The following THSD7A variants were observed in gnomAD, a reference collection of about 807,000 sequenced individuals.
THSD7A encodes the protein thrombospondin type-1 domain-containing protein 7A.
A neutral mutation model predicts 231.3 loss-of-function variants in THSD7A; 96 were observed. The ratio of observed to expected loss-of-function variants is 0.41; its 90% CI spans 0.35 to 0.49. The LOEUF (loss-of-function observed/expected upper bound fraction) is 0.49. THSD7A is among the 20% of genes least tolerant of loss of function. The pLI is 0.05. For missense variants in THSD7A, 2,290 were observed against 2,070.2 expected (o/e 1.11, Z -2.06); for synonymous variants, 940 against 743.3 (o/e 1.26, Z -4.30).
chr7:11,440,247 A>AAAT (rs577542636), intron 13 of THSD7A, among the ~76,000 whole-genome samples: 1 of 152,028 alleles, frequency 6.6e-6, no homozygotes, highest in Non-Finnish European at 1.5e-5. Context: ...ATTTATTTCA[A>AAAT]AATATTAGTT....
chr7:11,418,083 A>G (rs1309552991), intron 16 of THSD7A, among the ~76,000 whole-genome samples: 2 of 152,196 alleles, frequency 1.3e-5, no homozygotes, highest in Admixed American at 1.3e-4. Context: ...GAGACCAGGC[A>G]CACTGAAATC....
chr7:11,715,817 G>T (rs1350293612), intron 1 of THSD7A, among the ~76,000 whole-genome samples: 1 of 151,484 alleles, frequency 6.6e-6, no homozygotes. Context: ...CCAGAGGGAT[G>T]AAAAACAGTA....
At chr7:11,452,595 A>G (rs1785179888) in intron 11 of THSD7A, among the ~76,000 whole-genome samples, 2 of 152,030 alleles carry the variant, frequency 1.3e-5, no homozygotes. Flanking sequence ...CCAGTGGAGT[A>G]GCTGAGACTG....
intron 2 of THSD7A, among the ~76,000 whole-genome samples, chr7:11,625,465 T>C (rs17164916): frequency 0.048 from 7,316 of 152,086 alleles, 544 homozygotes; most frequent in African/African-American, 0.16. Flanking sequence ...TTATCTAATA[T>C]CAGTGACCAC....
At chr7:11,828,759 A>G (rs1397218649) in intron 1 of THSD7A, among the ~76,000 whole-genome samples, 2 of 152,154 alleles carry the variant, frequency 1.3e-5, no homozygotes, top group Non-Finnish European at 2.9e-5. Context: ...CATTACATAT[A>G]ATGTATAAGT....
Position 11,474,967 on chromosome 7 carries a change from T to C in THSD7A, c.2018-399A>G, listed in dbSNP as rs1201428440. ...TGAGAAAAATTTTGAAGGAGTAGGA[T>C]TTCAATAAGCAGAATTCTGGGAAGG... On this transcript the variant is annotated intron_variant, in intron 7 of 27. Transcript: ENST00000423059. This position sits in a 1 kb window ranked among gnomAD's most constrained non-coding sequence, Gnocchi z 4.1. Among the ~76,000 whole-genome samples, 1 of 152,058 alleles carries C rather than the reference T, an allele frequency of 6.6e-6. No homozygotes were observed. Among genetic ancestry groups the C allele is most frequent in the Non-Finnish European group, 1.5e-5 (1 of 68,014 alleles).
chr7:11,579,678 G>A lies in THSD7A; in HGVS notation c.1453+10782C>T, dbSNP rs1467918961. Among the ~76,000 whole-genome samples, 6 of 152,142 alleles carry A rather than the reference G, an allele frequency of 3.9e-5. No homozygotes were observed. In the East Asian group the frequency reaches 1.2e-3, roughly 29 times the overall value. On this transcript the variant is annotated intron_variant, in intron 4 of 27. Transcript: ENST00000423059. ...AGCTTAAATACTAGCAAAGTATTGTGAGTTTCTAAAGATTTAGAGCTCAGG... is the reference window on the plus strand; with the variant it reads ...AGCTTAAATACTAGCAAAGTATTGTAAGTTTCTAAAGATTTAGAGCTCAGG...
chr7:11,756,493 G>A (rs961214028), intron 1 of THSD7A, among the ~76,000 whole-genome samples: 3 of 152,024 alleles, frequency 2.0e-5, no homozygotes, highest in Admixed American at 2.0e-4. Context: ...TTTTTTCTGA[G>A]AAGTGTCTAA....
chr7:11,825,395 C>T (rs979934193), intron 1 of THSD7A, among the ~76,000 whole-genome samples: 1 of 152,026 alleles, frequency 6.6e-6, no homozygotes, highest in Admixed American at 6.6e-5. Flanking sequence ...CGTGTTCTTT[C>T]CATTCTATAA....
intron 6 of THSD7A, among the ~76,000 whole-genome samples, chr7:11,507,054 G>A (rs1423571884): frequency 2.6e-5 from 4 of 152,094 alleles, no homozygotes; most frequent in Admixed American, 2.0e-4. Flanking sequence ...CTGACACACA[G>A]AACATTCTTA....
rs1190147672 is a variant in THSD7A at position 11,542,987 on chromosome 7, G to C, written c.1584C>G (p.Asn528Lys). Reference sequence around the variant, plus strand: ...CTTTTTTCCCTTGCTGATCATTACAGTTTTCATAAGTACAAGGTCCCCAAG... The same window carrying C: ...CTTTTTTCCCTTGCTGATCATTACACTTTTCATAAGTACAAGGTCCCCAAG... ...WSAWGPCTYE[N>K]CNDQQGKKGF... The change falls in exon 5 of 28, where the codon AAC becomes AAG. Residue 528 changes from asparagine to lysine, a missense_variant. By Grantham distance (94) the Asn-to-Lys change is moderately conservative. Transcript: ENST00000423059. 7 of 1,613,592 alleles carry C rather than the reference G, an allele frequency of 4.3e-6. No individual in the cohort carries two copies. In the South Asian group the frequency reaches 6.6e-5, roughly 15 times the overall value.
intron 4 of THSD7A, among the ~76,000 whole-genome samples, chr7:11,565,835 A>G (rs10234091): frequency 0.53 from 80,025 of 151,984 alleles, 21,296 homozygotes; most frequent in Middle Eastern, 0.67. Context: ...TTGTACCTCC[A>G]TTCCTGCCTT....
At chr7:11,423,600 A>T (rs1784224800) in intron 16 of THSD7A, among the ~76,000 whole-genome samples, 1 of 151,938 alleles carries the variant, frequency 6.6e-6, no homozygotes, top group Admixed American at 6.6e-5. Flanking sequence ...CAATCTCCTG[A>T]CCTCGTGATC....
At chr7:11,717,060 T>A (rs35878423) in intron 1 of THSD7A, among the ~76,000 whole-genome samples, 19,834 of 149,030 alleles carry the variant, frequency 0.13, 1,510 homozygotes, top group Admixed American at 0.19. Flanking sequence ...TAATTCTTTT[T>A]CGTAGTAATG....
intron 14 of THSD7A, among the ~76,000 whole-genome samples, 173 bp from the exon 15 acceptor site, chr7:11,426,844 C>T (rs1290887101): frequency 6.6e-6 from 1 of 152,054 alleles, no homozygotes; most frequent in Non-Finnish European, 1.5e-5. Flanking sequence ...GGAGATAATA[C>T]ACAACTACTT....
intron 23 of THSD7A, among the ~76,000 whole-genome samples, chr7:11,383,151 A>G (rs1318004558): frequency 6.6e-6 from 1 of 151,884 alleles, no homozygotes; most frequent in Non-Finnish European, 1.5e-5. Flanking sequence ...ACGCACACAC[A>G]CATAATTACT....
chr7:11,491,944 C>G (rs1456566417), intron 6 of THSD7A, among the ~76,000 whole-genome samples: 1 of 152,002 alleles, frequency 6.6e-6, no homozygotes, highest in Admixed American at 6.6e-5. Flanking sequence ...GGTTATCTCA[C>G]ACTTTTTTCT....
chr7:11,419,356 G>C (rs1293762477), intron 16 of THSD7A, among the ~76,000 whole-genome samples: 4 of 152,042 alleles, frequency 2.6e-5, no homozygotes, highest in Non-Finnish European at 5.9e-5. Context: ...GAGATACAAT[G>C]GTTTAAAAGT....
chr7:11,746,622 C>A (rs1651981093), intron 1 of THSD7A, among the ~76,000 whole-genome samples: 1 of 151,636 alleles, frequency 6.6e-6, no homozygotes, highest in Non-Finnish European at 1.5e-5. Flanking sequence ...AACAGGTACC[C>A]CAGAGATGGA....
Sources: allele counts gnomAD v4.1 joint callset (sites outside exome capture counted in the v4.1 genomes callset), GRCh38; gene constraint gnomAD v4.1.1; non-coding constraint Gnocchi (gnomAD v3.1); transcripts MANE v1.5; gene names NCBI Gene and HGNC (gene_info 2026-07-23, HGNC 2026-07-21).